ADGRV1: variants seen among roughly 807,000 people sequenced by gnomAD.
ADGRV1 encodes the protein adhesion G protein-coupled receptor V1, also known as G-protein coupled receptor 98.
A neutral mutation model predicts 596.2 loss-of-function variants in ADGRV1; 359 were observed. The ratio of observed to expected loss-of-function variants is 0.60; its 90% CI spans 0.55 to 0.66. ADGRV1 has a LOEUF of 0.66. Among genes scored for constraint, ADGRV1 ranks in the 30% least tolerant of loss-of-function variants. The pLI is 0.00. For missense variants in ADGRV1, 7,274 were observed against 7,575.6 expected (o/e 0.96, Z 1.48); for synonymous variants, 2,681 against 2,679.2 (o/e 1.00, Z -0.02).
intron 71 of ADGRV1, 133 bp downstream of exon 71, chr5:90,803,015 A>C: frequency 3.3e-6 from 2 of 608,692 alleles, no homozygotes; most frequent in South Asian, 4.2e-5. Context: ...TGTGAATATC[A>C]AAGTAGATGT....
At chr5:90,605,285 C>T (rs990926137) in intron 1 of ADGRV1, among the ~76,000 whole-genome samples, 8 of 151,776 alleles carry the variant, frequency 5.3e-5, no homozygotes, top group African/African-American at 1.7e-4. Context: ...CGTGGTGGCA[C>T]GTGCCTGTAG....
At chr5:90,999,522 G>T (rs1420868934) in intron 85 of ADGRV1, among the ~76,000 whole-genome samples, 2 of 151,936 alleles carry the variant, frequency 1.3e-5, no homozygotes, top group South Asian at 4.2e-4. Flanking sequence ...AATATCAAGC[G>T]GAATAGAGCA....
In ADGRV1 at chr5:90,644,046, G is replaced by C. The variant is rs906704722; in HGVS notation, c.2734+63G>C. 1.6e-4 allele frequency: 191 copies of C among 1,208,424 alleles called. No homozygotes were observed. In the African/African-American group the frequency reaches 2.8e-3, roughly 18 times the overall value. 74.9% of individuals were successfully genotyped at this position (1,208,424 alleles called of 1,614,324 possible). A position where few individuals can be genotyped will look rare whatever the true frequency, so the allele number is the denominator to read the frequency against. ...CTGAAGAAGAAATATAATTTTTTTA[G>C]TTATTTCTTTAGTAACTAGTTATTT... On this transcript the variant is annotated intron_variant, in intron 14 of 89. Transcript: ENST00000405460.
intron 55 of ADGRV1, 92 bp downstream of exon 55, chr5:90,755,277 T>C (rs926922806): frequency 1.3e-6 from 1 of 773,700 alleles, no homozygotes; most frequent in Non-Finnish European, 2.0e-6. Context: ...ATCTTTTTTT[T>C]AATAAAAGGA....
At position 90,627,734 on chromosome 5, in the gene ADGRV1, T is replaced by G; in HGVS notation, c.1196T>G (p.Leu399Trp). The change falls in exon 7 of 90, where the codon TTG becomes TGG. Residue 399 changes from leucine to tryptophan, a missense_variant. By Grantham distance (61) the Leu-to-Trp change is moderately conservative. Coordinates refer to ENST00000405460, the MANE Select transcript of ADGRV1 (RefSeq NM_032119.4). The part of the protein sequence containing the change: ...PYGVLSFNSV[L>W]FERTVIIDED... ...GGAGTCCTTTCATTCAACAGTGTTT[T>G]GTTTGAAAGGACAGTTATAATTGAT... The G allele has an allele frequency of 6.3e-7, 1 of 1,589,880 alleles. No individual in the cohort carries two copies. The highest frequency in any genetic ancestry group is 8.6e-7 in the Non-Finnish European group (1 of 1,167,906).
intron 20 of ADGRV1, 133 bp downstream of exon 20, chr5:90,654,085 C>T: frequency 2.2e-6 from 2 of 893,170 alleles, no homozygotes; most frequent in Non-Finnish European, 3.5e-6. Context: ...TTTCTTTAAT[C>T]AAAACTATGT....
intron 87 of ADGRV1, among the ~76,000 whole-genome samples, chr5:91,116,216 T>G (rs1008046993): frequency 6.6e-6 from 1 of 152,344 alleles, no homozygotes; most frequent in Admixed American, 6.5e-5. Context: ...GTCACCATTT[T>G]CCTCTGCAAA....
At chr5:90,697,223 G>A in intron 34 of ADGRV1, 77 bp downstream of exon 34, 2 of 1,309,408 alleles carry the variant, frequency 1.5e-6, no homozygotes, top group Non-Finnish European at 2.1e-6. Flanking sequence ...TTTAAAACTT[G>A]ATAGTTTTTC....
chr5:91,029,938 T>C (rs1169884323), intron 85 of ADGRV1, among the ~76,000 whole-genome samples: 2 of 152,242 alleles, frequency 1.3e-5, no homozygotes, highest in Non-Finnish European at 2.9e-5. Flanking sequence ...TTTTTTACAC[T>C]TAGATATTCT....
At chr5:90,743,223 T>A (rs1190215071) in intron 50 of ADGRV1, among the ~76,000 whole-genome samples, 1 of 152,166 alleles carries the variant, frequency 6.6e-6, no homozygotes, top group Non-Finnish European at 1.5e-5. Context: ...ATGAAAAATA[T>A]ATGGCCATTT....
intron 83 of ADGRV1, among the ~76,000 whole-genome samples, chr5:90,927,255 A>T (rs1281073543): frequency 6.6e-6 from 1 of 150,584 alleles, no homozygotes; most frequent in Admixed American, 6.6e-5. Flanking sequence ...CCCATTATTA[A>T]TGTGTGGGAG....
rs1188977939 is a variant in ADGRV1, at chr5:90,821,334, T to C, written c.16197-2091T>C. 2.0e-5 allele frequency among the ~76,000 whole-genome samples: 3 copies of C among 151,232 alleles called. No individual in the cohort carries two copies. The East Asian group carries it at 5.8e-4, about 29-fold the overall frequency. On this transcript the variant is annotated intron_variant, in intron 75 of 89. Transcript: ENST00000405460. ...ACATTCTTCTAAATTTTTTTCAAAGTTTTCAACTTCTTTGCCTTTGGTTTG... is the reference window on the plus strand; with the variant it reads ...ACATTCTTCTAAATTTTTTTCAAAGCTTTCAACTTCTTTGCCTTTGGTTTG...
At chr5:90,842,792 A>G (rs1201561186) in intron 78 of ADGRV1, among the ~76,000 whole-genome samples, 2 of 152,202 alleles carry the variant, frequency 1.3e-5, no homozygotes, top group Non-Finnish European at 2.9e-5. Flanking sequence ...ATTTTATTTC[A>G]GCCAAAGCCT....
chr5:90,617,251 T>C (rs1282398071), intron 2 of ADGRV1: 2 of 152,240 alleles, frequency 1.3e-5, no homozygotes, highest in Non-Finnish European at 2.9e-5. Flanking sequence ...TCTTTTTCTA[T>C]GTAATATTTG....
intron 83 of ADGRV1, among the ~76,000 whole-genome samples, chr5:90,919,423 T>C (rs1212426817): frequency 6.6e-6 from 1 of 152,204 alleles, no homozygotes; most frequent in East Asian, 1.9e-4. Flanking sequence ...TTGATACATA[T>C]AAAATTCTGT....
At chr5:91,139,184 A>G (rs1188279168) in intron 87 of ADGRV1, among the ~76,000 whole-genome samples, 1 of 152,236 alleles carries the variant, frequency 6.6e-6, no homozygotes, top group Non-Finnish European at 1.5e-5. Flanking sequence ...GGACTATATC[A>G]TTGTCTTAGA....
At chr5:90,791,389 C>A in intron 70 of ADGRV1, 43 bp downstream of exon 70, 1 of 1,404,560 alleles carries the variant, frequency 7.1e-7, no homozygotes, top group Non-Finnish European at 9.6e-7. Context: ...CCAATAAAAC[C>A]CTTTCAGGAG....
In ADGRV1 at chr5:90,691,034, T is replaced by C; in HGVS notation, c.6944T>C (p.Ile2315Thr). ...LEVLADDVPE[I>T]EEVIQVQLTD... Reference sequence around the variant, plus strand: ...GTCCTGGCTGACGACGTTCCGGAGATTGAAGAGGTGAGAGGACTGGCTAGT... The same window carrying C: ...GTCCTGGCTGACGACGTTCCGGAGACTGAAGAGGTGAGAGGACTGGCTAGT... The change falls in exon 31 of 90, where the codon ATT (isoleucine) becomes ACT (threonine). Residue 2315 changes from isoleucine to threonine, a missense_variant. Coordinates refer to ENST00000405460, the MANE Select transcript of ADGRV1 (RefSeq NM_032119.4). 1 of 1,613,496 alleles carries C rather than the reference T, an allele frequency of 6.2e-7. No individual in the cohort carries two copies. The highest frequency in any genetic ancestry group is 1.7e-5 in the Admixed American group (1 of 59,976).
chr5:90,882,165 T>G (rs1383350090), intron 83 of ADGRV1, among the ~76,000 whole-genome samples: 1 of 152,254 alleles, frequency 6.6e-6, no homozygotes, highest in Non-Finnish European at 1.5e-5. Context: ...AAACAGAAAG[T>G]TATCTATAGA....
Sources: allele counts gnomAD v4.1 joint callset (sites outside exome capture counted in the v4.1 genomes callset), GRCh38; gene constraint gnomAD v4.1.1; transcripts MANE v1.5; gene names NCBI Gene and HGNC (gene_info 2026-07-23, HGNC 2026-07-21).